The following DOCK3 variants were observed in gnomAD, a reference collection of about 807,000 sequenced individuals.
DOCK3 encodes dedicator of cytokinesis protein 3.
DOCK3 carries 60 observed loss-of-function variants against 265.6 expected under a neutral mutation model. The observed-to-expected ratio is 0.23, with a 90% CI of 0.18 to 0.28. The LOEUF is 0.28. DOCK3 is among the 10% of genes least tolerant of loss of function. DOCK3 has a pLI of 1.00. For synonymous variants in DOCK3, 881 were observed against 938.0 expected (o/e 0.94, Z 1.11); for missense variants, 1,981 against 2,594.3 (o/e 0.76, Z 5.14).
chr3:50,972,560 G>C (rs2077268968), intron 5 of DOCK3, among the ~76,000 whole-genome samples: 1 of 152,196 alleles, frequency 6.6e-6, no homozygotes, highest in Admixed American at 6.5e-5. Context: ...CCTTTGGCGG[G>C]TTGCACTCTT....
At chr3:51,086,058 A>T (rs767488480) in intron 7 of DOCK3, among the ~76,000 whole-genome samples, 18 of 152,214 alleles carry the variant, frequency 1.2e-4, no homozygotes, top group Non-Finnish European at 1.9e-4. Flanking sequence ...CAGCCTTCAG[A>T]GCTGAGAGCC....
intron 3 of DOCK3, among the ~76,000 whole-genome samples, chr3:50,875,350 G>A (rs140493423): frequency 5.3e-5 from 8 of 152,250 alleles, no homozygotes; most frequent in East Asian, 1.9e-4. Context: ...TAAAAGTGGT[G>A]GAAGTCTTAT....
intron 5 of DOCK3, among the ~76,000 whole-genome samples, chr3:51,011,665 G>A (rs1198082228): frequency 6.6e-6 from 1 of 152,186 alleles, no homozygotes; most frequent in African/African-American, 2.4e-5. Flanking sequence ...CATTGCGGGC[G>A]AGGAGCTGCA....
intron 7 of DOCK3, among the ~76,000 whole-genome samples, chr3:51,086,531 C>T (rs2082435482): frequency 6.6e-6 from 1 of 152,214 alleles, no homozygotes; most frequent in Non-Finnish European, 1.5e-5. Context: ...AGCATGGTGG[C>T]TCACTCCTGG....
chr3:51,068,385 A>C (rs1364434230), intron 6 of DOCK3, among the ~76,000 whole-genome samples: 1 of 151,520 alleles, frequency 6.6e-6, no homozygotes, highest in Non-Finnish European at 1.5e-5. Flanking sequence ...CTAAAAATAC[A>C]AAAAATTAGC....
At chr3:50,897,204 C>G (rs1328876792) in intron 4 of DOCK3, among the ~76,000 whole-genome samples, 1 of 152,068 alleles carries the variant, frequency 6.6e-6, no homozygotes, top group African/African-American at 2.4e-5. Context: ...CCTTCACATC[C>G]CTTGTAAGTT....
intron 12 of DOCK3, among the ~76,000 whole-genome samples, chr3:51,175,417 A>G (rs4130474): frequency 0.91 from 138,856 of 152,236 alleles, 63,473 homozygotes; most frequent in African/African-American, 0.96. Context: ...CCACAGTCAG[A>G]CAAAGGTCTG....
At chr3:50,687,229 GAA>G (rs957377133) in intron 1 of DOCK3, among the ~76,000 whole-genome samples, 1 of 150,868 alleles carries the variant, frequency 6.6e-6, no homozygotes, top group African/African-American at 2.4e-5. Flanking sequence ...AAAAAAAAAA[GAA>G]AAAAAAATCT....
At chr3:50,710,578 A>G (rs1265076609) in intron 1 of DOCK3, among the ~76,000 whole-genome samples, 1 of 152,246 alleles carries the variant, frequency 6.6e-6, no homozygotes, top group Non-Finnish European at 1.5e-5. Flanking sequence ...AAACTAGTAC[A>G]ACCACTATGG....
chr3:51,052,724 A>T (rs1287027872), intron 5 of DOCK3, among the ~76,000 whole-genome samples: 1 of 152,126 alleles, frequency 6.6e-6, no homozygotes, highest in Non-Finnish European at 1.5e-5. Flanking sequence ...AGCAACTATC[A>T]TTTCTGCTTT....
chr3:50,800,280 T>C (rs2043004654), intron 2 of DOCK3, among the ~76,000 whole-genome samples: 2 of 152,364 alleles, frequency 1.3e-5, no homozygotes, highest in East Asian at 1.9e-4. Flanking sequence ...AATTCTTCTT[T>C]AAAAGAATGA....
intron 14 of DOCK3, among the ~76,000 whole-genome samples, chr3:51,223,834 T>C (rs2090203544): frequency 6.6e-6 from 1 of 152,230 alleles, no homozygotes. Flanking sequence ...TATTCAGCCT[T>C]TGTCCTGACA....
At chr3:51,097,904 G>A (rs2082924675) in intron 9 of DOCK3, among the ~76,000 whole-genome samples, 1 of 152,180 alleles carries the variant, frequency 6.6e-6, no homozygotes, top group South Asian at 2.1e-4. Context: ...GTGAGCCAAT[G>A]CCCAACCCTG....
At chr3:51,043,703 A>G (rs1043923411) in intron 5 of DOCK3, among the ~76,000 whole-genome samples, 1 of 152,114 alleles carries the variant, frequency 6.6e-6, no homozygotes, top group African/African-American at 2.4e-5. Context: ...TTTGATATCT[A>G]GTATCTATAA....
At chr3:50,978,166 A>G (rs375453192) in intron 5 of DOCK3, among the ~76,000 whole-genome samples, 9,182 of 143,080 alleles carry the variant, frequency 0.064, 419 homozygotes, top group Non-Finnish European at 0.087. Context: ...TCTCCATCCA[A>G]CTTTGTTCCA....
chr3:51,315,390 A>G (rs2083309043), intron 32 of DOCK3, among the ~76,000 whole-genome samples: 1 of 152,236 alleles, frequency 6.6e-6, no homozygotes, highest in African/African-American at 2.4e-5. Context: ...TTGAGACTGT[A>G]GCCTCCCAGT....
intron 2 of DOCK3, among the ~76,000 whole-genome samples, chr3:50,785,220 A>G (rs1463594806): frequency 6.6e-6 from 1 of 152,138 alleles, no homozygotes; most frequent in Non-Finnish European, 1.5e-5. Context: ...AGCTTTTTGG[A>G]TGGGTCTTTA....
chr3:51,238,933 T>C (rs530409092), intron 21 of DOCK3, among the ~76,000 whole-genome samples: 2 of 152,304 alleles, frequency 1.3e-5, no homozygotes, highest in Admixed American at 1.3e-4. Flanking sequence ...CAAGCATGTG[T>C]CTTTATGGTA....
At chr3:51,196,217 T>C (rs932804222) in intron 12 of DOCK3, among the ~76,000 whole-genome samples, 20 of 152,290 alleles carry the variant, frequency 1.3e-4, no homozygotes, top group African/African-American at 4.8e-4. Flanking sequence ...ATTACAGGCA[T>C]GAGCCACTGC....
Sources: gnomAD v4.1 joint callset for allele counts (sites outside exome capture counted in the v4.1 genomes callset) on GRCh38, gnomAD v4.1.1 for gene constraint, MANE v1.5 for transcripts, NCBI Gene and HGNC (gene_info 2026-07-23, HGNC 2026-07-21) for gene names.